Variants in ITIH6 observed in about 807,000 individuals in gnomAD.
The protein encoded by ITIH6 is inter-alpha-trypsin inhibitor heavy chain H6.
A neutral mutation model predicts 58.2 loss-of-function variants in ITIH6; 60 were observed. The observed-to-expected ratio is 1.03, with a 90% CI of 0.84 to 1.28. ITIH6 has a LOEUF of 1.28. Ranked by LOEUF, ITIH6 falls within the 50% of genes most tolerant of loss-of-function variation. The pLI is 0.00. For missense variants in ITIH6, 1,290 were observed against 1,021.1 expected, an observed-to-expected ratio of 1.26 and a Z score of -3.59; for synonymous variants, 493 against 417.4, an observed-to-expected ratio of 1.18 and a Z score of -2.21.
chrX:54,760,199 T>A (rs997435631), intron 6 of ITIH6, among the ~76,000 whole-genome samples: 1 of 111,878 alleles, frequency 8.9e-6, no homozygotes, highest in Non-Finnish European at 1.9e-5. Context: ...ATTCAAACAT[T>A]TAATTCTTTA....
At position 54,758,477 on chromosome X, in the gene ITIH6, G is replaced by C. The variant is rs1164675065; in HGVS notation, c.1597C>G (p.His533Asp). 9.1e-6 allele frequency: 11 copies of C among 1,208,400 alleles called. No individual in the cohort carries two copies. The highest frequency in any genetic ancestry group is 1.7e-5 in the African/African-American group (1 of 57,170). The change falls in exon 8 of 13, where the codon CAC becomes GAC. Residue 533 changes from histidine (H) to aspartate (D), a missense_variant. By Grantham distance (81) the His-to-Asp change is moderately conservative. Coordinates refer to ENST00000218436, the MANE Select transcript of ITIH6 (RefSeq NM_198510.3). ...TTGTTGGTGGCCCCTTCACTGTGGT[G>C]GGCCACAAGAAGCTGATCCTTGGGG... ...RGPKDQLLVAHHSEGATNNSQ... is the reference protein window; with the variant it reads ...RGPKDQLLVADHSEGATNNSQ...
intron 5 of ITIH6, among the ~76,000 whole-genome samples, chrX:54,784,343 A>G (rs1929204289): frequency 8.9e-6 from 1 of 111,797 alleles, no homozygotes; most frequent in Non-Finnish European, 1.9e-5. Flanking sequence ...GACAAATGGG[A>G]TCACATCAAG....
chrX:54,775,356 C>T (rs1329353779), intron 5 of ITIH6, among the ~76,000 whole-genome samples: 1 of 111,502 alleles, frequency 9.0e-6, no homozygotes, highest in Admixed American at 9.5e-5. Context: ...ACCAACCTCT[C>T]CCAGTCACTT....
chrX:54,758,786 C>G lies in ITIH6; in HGVS notation c.1288G>C (p.Gly430Arg), dbSNP rs909887917. Residue 430 changes from glycine to arginine, a missense_variant, in exon 8 of 13, where the codon GGG (glycine) becomes CGG (arginine). By Grantham distance (125) the Gly-to-Arg change is moderately radical. Coordinates refer to ENST00000218436, the MANE Select transcript of ITIH6 (RefSeq NM_198510.3). ...HRVSLFSLAF[G>R]DDADFTLLRR... ...AGCAGTGTAAAGTCAGCATCATCCCCAAAGGCCAAGCTGAAAAGGGATACC... is the reference window on the plus strand; with the variant it reads ...AGCAGTGTAAAGTCAGCATCATCCCGAAAGGCCAAGCTGAAAAGGGATACC... 92 of 1,207,660 alleles carry G rather than the reference C, an allele frequency of 7.6e-5. No individual in the cohort carries two copies. Among genetic ancestry groups the G allele is most frequent in the Non-Finnish European group, 1.0e-4 (89 of 893,702 alleles).
rs1928507272 is a variant in ITIH6 at position 54,757,151 on chromosome X, G to C, written c.2923C>G (p.Pro975Ala). ...TTTGGAGGGCTGCCTTCTGGTGTAG[G>C]CCTGGAGCTGTTGAGTAGGCTCATT... ...PTMSLLNSSR[P>A]TPEGSPPNLP... Residue 975 changes from proline to alanine, a missense_variant, in exon 8 of 13, where the codon CCT becomes GCT. By Grantham distance (27) the Pro-to-Ala change is conservative. Transcript: ENST00000218436. 2 of 1,209,267 alleles carry C rather than the reference G, an allele frequency of 1.7e-6. No individual in the cohort carries two copies. Among genetic ancestry groups the C allele is most frequent in the Admixed American group, 2.2e-5 (1 of 45,707 alleles).
At chrX:54,755,361 G>A (rs1352712256) in intron 8 of ITIH6, among the ~76,000 whole-genome samples, 1 of 112,482 alleles carries the variant, frequency 8.9e-6, no homozygotes, top group Non-Finnish European at 1.9e-5. Flanking sequence ...TAGGTATTAG[G>A]TATATGGTGG....
intron 5 of ITIH6, among the ~76,000 whole-genome samples, chrX:54,786,206 C>T (rs917926629): frequency 9.8e-5 from 11 of 111,874 alleles, no homozygotes; most frequent in Non-Finnish European, 1.5e-4. Flanking sequence ...GGCCCCCATT[C>T]CCCACAGCCA....
chrX:54,781,477 A>G (rs1929146275), intron 5 of ITIH6, among the ~76,000 whole-genome samples: 1 of 112,737 alleles, frequency 8.9e-6, no homozygotes, highest in Non-Finnish European at 1.9e-5. Flanking sequence ...ACCATATGAA[A>G]AAAAGCTCAA....
chrX:54,785,351 A>C (rs1929223951), intron 5 of ITIH6, among the ~76,000 whole-genome samples: 1 of 111,408 alleles, frequency 9.0e-6, no homozygotes, highest in Non-Finnish European at 1.9e-5. Context: ...TACATTTAAA[A>C]ATAAGTAAAA....
intron 2 of ITIH6, 121 bp from the exon 3 acceptor site, chrX:54,792,157 AAC>A: frequency 2.1e-6 from 1 of 473,043 alleles, no homozygotes; most frequent in Non-Finnish European, 3.7e-6. Context: ...GAGAAAGAAC[AAC>A]ACAGTGCCAT....
intron 2 of ITIH6, among the ~76,000 whole-genome samples, chrX:54,793,369 C>T (rs990695770): frequency 4.5e-5 from 5 of 111,324 alleles, no homozygotes; most frequent in African/African-American, 1.6e-4. Flanking sequence ...GTTCCATAGA[C>T]ACCTCAAGCT....
chrX:54,774,102 C>T lies in ITIH6; in HGVS notation c.882G>A (p.Met294Ile). 1 of 1,175,778 alleles carries T rather than the reference C, an allele frequency of 8.5e-7. No individual in the cohort carries two copies. The highest frequency in any genetic ancestry group is 1.1e-6 in the Non-Finnish European group (1 of 871,026). Residue 294 changes from methionine to isoleucine, a missense_variant, in exon 6 of 13, where the codon ATG (methionine) becomes ATA (isoleucine). Transcript: ENST00000218436. ...VVFVIDVSSS[M>I]FGTKMEQTKT... Reference sequence around the variant, plus strand: ...TTACCTGTTCCATCTTGGTACCAAACATGGAGCTGCTTACGTCAATAACAA... The same window carrying T: ...TTACCTGTTCCATCTTGGTACCAAATATGGAGCTGCTTACGTCAATAACAA...
In ITIH6 at chrX:54,757,696, T is replaced by C. The variant is rs375514251; in HGVS notation, c.2378A>G (p.Gln793Arg). Reference protein sequence around the residue: ...HSKPGAPSHPQLGALTSQAPK... With the variant: ...HSKPGAPSHPRLGALTSQAPK... Reference sequence around the variant, plus strand: ...TGCCTGTGATGTGAGTGCCCCAAGTTGGGGGTGCGATGGAGCACCAGGTTT... The same window carrying C: ...TGCCTGTGATGTGAGTGCCCCAAGTCGGGGGTGCGATGGAGCACCAGGTTT... Residue 793 changes from glutamine (Q) to arginine (R), a missense_variant, in exon 8 of 13, where the codon CAA (glutamine) becomes CGA (arginine). Coordinates refer to ENST00000218436, the MANE Select transcript of ITIH6 (RefSeq NM_198510.3). 1.7e-5 allele frequency: 21 copies of C among 1,208,576 alleles called. No homozygotes were observed. The highest frequency in any genetic ancestry group is 4.6e-4 in the Middle Eastern group (2 of 4,349).
intron 6 of ITIH6, among the ~76,000 whole-genome samples, chrX:54,768,219 C>A (rs773717666): frequency 2.7e-5 from 1 of 37,217 alleles, no homozygotes; most frequent in Admixed American, 3.7e-4. Flanking sequence ...GCAACCCCTG[C>A]CTTTTTTTGT....
Position 54,791,907 on chromosome X carries a change from G to T in ITIH6, c.368+19C>A. The T allele has an allele frequency of 1.1e-6, 1 of 905,035 alleles. No homozygotes were observed. Among genetic ancestry groups the T allele is most frequent in the Non-Finnish European group, 1.6e-6 (1 of 616,934 alleles). The allele number at this position is 905,035 out of a possible 1,213,427, so 74.6% of individuals were successfully genotyped here. A position where few individuals can be genotyped will look rare whatever the true frequency, so the allele number is the denominator to read the frequency against. ...AGCTAAGATGATTAAGTCATGTTTTGGACTGGATGGGGCCTTACCTGATGC... is the reference window on the plus strand; with the variant it reads ...AGCTAAGATGATTAAGTCATGTTTTTGACTGGATGGGGCCTTACCTGATGC... On this transcript the variant is annotated intron_variant, in intron 3 of 12. Transcript: ENST00000218436.
At position 54,758,618 on chromosome X, in the gene ITIH6, C is replaced by A. The variant is rs778700389; in HGVS notation, c.1456G>T (p.Val486Phe). ...AAAACGGCCCAAGGGGAGGCCCCAA[C>A]CAAGCCACCCAGGTAGTTCAGACGC... is the stretch of plus-strand genomic sequence containing the variant. ...DVRLNYLGGL[V>F]GASPWAVFPN... The change falls in exon 8 of 13, where the codon GTT becomes TTT. Residue 486 changes from valine to phenylalanine, a missense_variant. Val to Phe is a conservative substitution (Grantham distance 50, BLOSUM62 -1). Transcript: ENST00000218436. 2 of 1,209,962 alleles carry A rather than the reference C, an allele frequency of 1.7e-6. No individual in the cohort carries two copies.
intron 6 of ITIH6, among the ~76,000 whole-genome samples, chrX:54,772,510 GA>G (rs1232554646): frequency 6.3e-5 from 7 of 111,728 alleles, no homozygotes; most frequent in Non-Finnish European, 1.1e-4. Flanking sequence ...ATAAAAGTTG[GA>G]AAAAAAATTT....
intron 6 of ITIH6, among the ~76,000 whole-genome samples, chrX:54,766,374 C>T (rs1450187259): frequency 1.6e-4 from 13 of 80,036 alleles, no homozygotes; most frequent in Admixed American, 3.1e-4. Flanking sequence ...ATTGAATACC[C>T]TTTATTTCCT....
chrX:54,792,785 C>G (rs946645783), intron 2 of ITIH6, among the ~76,000 whole-genome samples: 1 of 111,603 alleles, frequency 9.0e-6, no homozygotes, highest in African/African-American at 3.3e-5. Context: ...CACTTTTGCC[C>G]AAGTCTTCAG....
Sources: allele counts gnomAD v4.1 joint callset (sites outside exome capture counted in the v4.1 genomes callset), GRCh38; gene constraint gnomAD v4.1.1; transcripts MANE v1.5; gene names NCBI Gene and HGNC (gene_info 2026-07-23, HGNC 2026-07-21).